UNC79: variants seen among roughly 807,000 people sequenced by gnomAD.
UNC79 encodes unc-79 subunit of NALCN channel complex, also known as protein unc-79 homolog.
In UNC79, 37 loss-of-function variants were observed where a neutral mutation model predicts 283.1. The observed-to-expected ratio is 0.13, with a 90% confidence interval of 0.10 to 0.17. UNC79 has a LOEUF of 0.17. UNC79 is among the 10% of genes least tolerant of loss of function. UNC79 has a pLI of 1.00. For missense variants in UNC79, 2,272 were observed against 3,211.1 expected, an observed-to-expected ratio of 0.71 and a Z score of 7.07; for synonymous variants, 1,107 against 1,200.2, an observed-to-expected ratio of 0.92 and a Z score of 1.61.
chr14:93,485,097 A>C lies in UNC79; in HGVS notation c.620-2566A>C, dbSNP rs541293305. ...TAATAGCAGTTTTCATTGTTGAGAA[A>C]TACATATTATTAAATGCATATTATT... On this transcript the variant is annotated intron_variant, in intron 4 of 48. Transcript: ENST00000555664. Among the ~76,000 whole-genome samples the C allele has an allele frequency of 8.3e-4, 127 of 152,180 alleles. 3 individuals are homozygous for C. In the South Asian group the frequency reaches 0.026, roughly 31 times the overall value.
chr14:93,597,286 TA>T, intron 23 of UNC79, 72 bp from the exon 24 acceptor site: 1 of 1,499,886 alleles, frequency 6.7e-7, no homozygotes, highest in South Asian at 1.3e-5. Flanking sequence ...TCAGACTGGC[TA>T]AATAAATGTG....
At chr14:93,587,847 C>T (rs1017916434) in intron 22 of UNC79, among the ~76,000 whole-genome samples, 8 of 152,224 alleles carry the variant, frequency 5.3e-5, no homozygotes, top group Middle Eastern at 6.8e-3. Flanking sequence ...CTTTATACAG[C>T]TCAGAGGTGG....
At chr14:93,431,426 G>A (rs1339700714) in intron 1 of UNC79, among the ~76,000 whole-genome samples, 1 of 151,868 alleles carries the variant, frequency 6.6e-6, no homozygotes, top group Non-Finnish European at 1.5e-5. Context: ...AATCAGGGGC[G>A]GGGAACTGTC....
At chr14:93,471,302 A>G (rs2057487401) in intron 2 of UNC79, among the ~76,000 whole-genome samples, 1 of 152,194 alleles carries the variant, frequency 6.6e-6, no homozygotes, top group Non-Finnish European at 1.5e-5. Context: ...TGTTTGACAT[A>G]TTAATTTTCT....
At chr14:93,530,983 G>A (rs1349255998) in intron 10 of UNC79, among the ~76,000 whole-genome samples, 3 of 152,132 alleles carry the variant, frequency 2.0e-5, no homozygotes, top group Non-Finnish European at 2.9e-5. Context: ...GCTCATATGG[G>A]TAAATTTAAC....
At position 93,605,969 on chromosome 14, in the gene UNC79, AT is replaced by A. The variant is rs571206097; in HGVS notation, c.3754+2559del. ...CGCTCATGTACGCTACTGTGCTGTG[AT>A]TTTTTTTAAAAGAATAAAAATAAGA... On this transcript the variant is annotated intron_variant, in intron 26 of 48. Coordinates refer to ENST00000555664, the Ensembl canonical transcript of UNC79. Among the ~76,000 whole-genome samples the A allele has an allele frequency of 6.2e-3, 942 of 152,178 alleles. 7 individuals carry two copies. The highest frequency in any genetic ancestry group is 0.041 in the Middle Eastern group (12 of 294).
Position 93,496,570 on chromosome 14 carries a change from C to A in UNC79, c.768+104C>A, listed in dbSNP as rs191598123. 78 of 682,880 alleles carry A rather than the reference C, an allele frequency of 1.1e-4. 1 individual carries two copies. The Middle Eastern group carries it at 5.0e-3, about 44-fold the overall frequency. 42.3% of individuals were successfully genotyped at this position (682,880 alleles called of 1,614,324 possible). On this transcript the variant is annotated intron_variant, in intron 6 of 48. Transcript: ENST00000555664. ...CTGTTGTTTAGGTCAAATTTATTGACGTCCTATTATTTTGATGTGGCAGAA... is the reference window on the plus strand; with the variant it reads ...CTGTTGTTTAGGTCAAATTTATTGAAGTCCTATTATTTTGATGTGGCAGAA...
Position 93,371,279 on chromosome 14 carries a change from C to T in UNC79, c.-351+37756C>T, listed in dbSNP as rs144462347. Among the ~76,000 whole-genome samples the T allele has an allele frequency of 1.8e-4, 28 of 152,002 alleles. No homozygotes were observed. The East Asian group carries it at 2.7e-3, about 15-fold the overall frequency. On this transcript the variant is annotated intron_variant, in intron 1 of 49. Transcript: ENST00000256339. ...GCACGTTCCTGAAGTCCCAGCTACT[C>T]GGGAGGCTGAGGCAGGAGAATTGCT...
At position 93,653,923 on chromosome 14, in the gene UNC79, G is replaced by A. The variant is rs764237195; in HGVS notation, c.6197-17G>A. 57 of 1,613,994 alleles carry A rather than the reference G, an allele frequency of 3.5e-5. No homozygotes were observed. The highest frequency in any genetic ancestry group is 1.4e-4 in the South Asian group (13 of 91,084). On this transcript the variant is annotated splice_polypyrimidine_tract_variant and intron_variant, in intron 36 of 48. Coordinates refer to ENST00000555664, the Ensembl canonical transcript of UNC79. ...TCCCAGACACCCAAACACTAAATCC[G>A]ATCGTTGACTTTCCAGATGGGACTT...
intron 34 of UNC79, among the ~76,000 whole-genome samples, chr14:93,645,391 CAG>C (rs1451529507): frequency 6.6e-6 from 1 of 152,158 alleles, no homozygotes; most frequent in Admixed American, 6.5e-5. Context: ...TAGCAAGAGA[CAG>C]GGAGTACATT....
At chr14:93,515,903 G>A (rs1026946496) in intron 7 of UNC79, among the ~76,000 whole-genome samples, 4 of 145,916 alleles carry the variant, frequency 2.7e-5, no homozygotes, top group Admixed American at 6.8e-5. Flanking sequence ...TTTTTCTTTT[G>A]TGGTCCTTTT....
chr14:93,592,857 C>G (rs1378847756), intron 22 of UNC79, among the ~76,000 whole-genome samples: 1 of 152,188 alleles, frequency 6.6e-6, no homozygotes, highest in Non-Finnish European at 1.5e-5. Context: ...TCAGGGATCT[C>G]TTTCTCTGTC....
intron 14 of UNC79, among the ~76,000 whole-genome samples, chr14:93,565,579 T>C (rs2062826423): frequency 6.6e-6 from 1 of 152,158 alleles, no homozygotes; most frequent in Admixed American, 6.5e-5. Flanking sequence ...TGGACCACCA[T>C]ATATGTTGTT....
At chr14:93,648,323 C>G (rs1462181792) in intron 35 of UNC79, among the ~76,000 whole-genome samples, 4 of 152,140 alleles carry the variant, frequency 2.6e-5, no homozygotes, top group African/African-American at 9.7e-5. Flanking sequence ...ACCCCTCTGG[C>G]TTCTCTGTTG....
intron 1 of UNC79, among the ~76,000 whole-genome samples, chr14:93,396,972 TGTGTG>T (rs987629001): frequency 5.3e-5 from 8 of 152,084 alleles, no homozygotes; most frequent in African/African-American, 1.9e-4. Context: ...CATATATATG[TGTGTG>T]GTCATCTAGG....
At chr14:93,550,476 C>T (rs1257439566) in intron 14 of UNC79, among the ~76,000 whole-genome samples, 10 of 137,908 alleles carry the variant, frequency 7.3e-5, no homozygotes, top group African/African-American at 5.5e-5. Flanking sequence ...GATCGCGGCT[C>T]TGCACTCCAG....
chr14:93,549,661 G>T (rs1018387722), intron 14 of UNC79, among the ~76,000 whole-genome samples: 1 of 152,162 alleles, frequency 6.6e-6, no homozygotes, highest in East Asian at 1.9e-4. Context: ...ATTCAGAAAG[G>T]CTCCAGCATA....
At chr14:93,409,881 A>G (rs1431054550) in intron 1 of UNC79, among the ~76,000 whole-genome samples, 2 of 152,222 alleles carry the variant, frequency 1.3e-5, no homozygotes, top group African/African-American at 2.4e-5. Flanking sequence ...TAAAATTTAC[A>G]TGAGTAGAAG....
intron 22 of UNC79, among the ~76,000 whole-genome samples, chr14:93,589,902 A>C (rs1236280728): frequency 6.6e-6 from 1 of 152,164 alleles, no homozygotes; most frequent in Non-Finnish European, 1.5e-5. Flanking sequence ...ATCTCTGCTA[A>C]AACAAAATAT....
Sources: allele counts gnomAD v4.1 joint callset (sites outside exome capture counted in the v4.1 genomes callset), GRCh38; gene constraint gnomAD v4.1.1; transcripts MANE v1.5; gene names NCBI Gene and HGNC (gene_info 2026-07-23, HGNC 2026-07-21).